GOLM2: variants seen among roughly 807,000 people sequenced by gnomAD.
GOLM2 encodes the protein golgi membrane protein 2.
In GOLM2, 26 loss-of-function variants were observed where a neutral mutation model predicts 55.9. The ratio of observed to expected loss-of-function variants is 0.47; its 90% CI spans 0.34 to 0.65. The LOEUF (loss-of-function observed/expected upper bound fraction) is 0.65, where lower values mean the gene tolerates loss of function less well. Ranked by LOEUF, GOLM2 falls within the 30% of genes least tolerant of loss-of-function variation. The probability of loss-of-function intolerance (pLI) is 0.01; values close to 1 mark genes in which losing one functional copy is unlikely to be tolerated. For missense variants in GOLM2, 486 were observed against 531.8 expected, an observed-to-expected ratio of 0.91 and a Z score of 0.85; for synonymous variants, 165 against 194.6, an observed-to-expected ratio of 0.85 and a Z score of 1.27.
At chr15:44,326,808 C>T (rs2078984957) in intron 2 of GOLM2, among the ~76,000 whole-genome samples, 2 of 151,530 alleles carry the variant, frequency 1.3e-5, no homozygotes, top group African/African-American at 4.8e-5. Flanking sequence ...TGCGCCACCA[C>T]ACCTGGCTAA....
chr15:44,344,839 G>C (rs1482880118), intron 6 of GOLM2, among the ~76,000 whole-genome samples: 1 of 147,432 alleles, frequency 6.8e-6, no homozygotes, highest in Admixed American at 6.7e-5. Context: ...GTGCAGTGGC[G>C]CAATCTTGGC....
chr15:44,344,028 G>C (rs1278413426), intron 6 of GOLM2, among the ~76,000 whole-genome samples: 1 of 151,758 alleles, frequency 6.6e-6, no homozygotes, highest in Non-Finnish European at 1.5e-5. Flanking sequence ...GATAGGCTGA[G>C]GCGGGAGGGT....
At chr15:44,399,744 C>T (rs1044723398) in intron 8 of GOLM2, among the ~76,000 whole-genome samples, 3 of 152,128 alleles carry the variant, frequency 2.0e-5, no homozygotes, top group Admixed American at 6.6e-5. Context: ...CCTGTAATCC[C>T]AGCACTTTGG....
chr15:44,414,635 T>A lies in GOLM2; in HGVS notation c.*1229T>A, dbSNP rs2099505177. The A allele has an allele frequency of 6.6e-6, 1 of 152,232 alleles. No individual in the cohort carries two copies. The highest frequency in any genetic ancestry group is 2.4e-5 in the African/African-American group (1 of 41,470). The allele number at this position is 152,232 out of a possible 1,614,324, so 9.4% of individuals were successfully genotyped here. A position where few individuals can be genotyped will look rare whatever the true frequency, so the allele number is the denominator to read the frequency against. On this transcript the variant is annotated 3_prime_UTR_variant, in exon 10 of 10. Coordinates refer to ENST00000299957, the MANE Select transcript of GOLM2 (RefSeq NM_138423.4). ...TTTCTGGTAATTTTAGTGATCTTAT[T>A]TGATTAGACTTTTTCAGAAGTACTA...
At chr15:44,295,356 G>A (rs1264307536) in intron 1 of GOLM2, among the ~76,000 whole-genome samples, 2 of 152,176 alleles carry the variant, frequency 1.3e-5, no homozygotes, top group Non-Finnish European at 2.9e-5. Context: ...CTGGATTACA[G>A]GCATGACCCA....
intron 4 of GOLM2, among the ~76,000 whole-genome samples, chr15:44,333,089 C>T (rs952442857): frequency 3.0e-4 from 46 of 152,084 alleles, no homozygotes; most frequent in Non-Finnish European, 5.3e-4. Flanking sequence ...CCTGCCACCA[C>T]GCCCGGCTAA....
At chr15:44,316,869 C>T (rs937471322) in intron 1 of GOLM2, among the ~76,000 whole-genome samples, 1 of 152,064 alleles carries the variant, frequency 6.6e-6, no homozygotes, top group Admixed American at 6.6e-5. Context: ...GCCTGTGGTC[C>T]CAGCTACTCG....
At chr15:44,407,267 T>C (rs2079603886) in intron 9 of GOLM2, among the ~76,000 whole-genome samples, 1 of 147,258 alleles carries the variant, frequency 6.8e-6, no homozygotes. Context: ...TATATATTTA[T>C]ATATATATAT....
At chr15:44,369,067 TTA>T (rs58317520) in intron 6 of GOLM2, among the ~76,000 whole-genome samples, 612 of 22,838 alleles carry the variant, frequency 0.027, 15 homozygotes, top group East Asian at 0.043. Context: ...ATAGGATATA[TTA>T]TATATATATA....
intron 6 of GOLM2, among the ~76,000 whole-genome samples, chr15:44,341,675 A>G (rs1278699267): frequency 1.3e-5 from 2 of 150,392 alleles, no homozygotes; most frequent in Non-Finnish European, 3.0e-5. Flanking sequence ...TAAAAAGTAC[A>G]CAACAATTTT....
intron 6 of GOLM2, among the ~76,000 whole-genome samples, chr15:44,365,258 A>G (rs1167603400): frequency 6.6e-6 from 1 of 152,132 alleles, no homozygotes; most frequent in Non-Finnish European, 1.5e-5. Flanking sequence ...TGGGTGTGGT[A>G]ATTCACACCT....
At chr15:44,336,751 C>G (rs978206841) in intron 4 of GOLM2, among the ~76,000 whole-genome samples, 5 of 151,726 alleles carry the variant, frequency 3.3e-5, no homozygotes, top group Non-Finnish European at 5.9e-5. Context: ...CCCGTCTCTA[C>G]TAAAAATACA....
At chr15:44,295,080 C>CTT (rs1188122757) in intron 1 of GOLM2, among the ~76,000 whole-genome samples, 15 of 143,358 alleles carry the variant, frequency 1.0e-4, no homozygotes, top group South Asian at 2.2e-4. Context: ...ACATAAATTC[C>CTT]TTTTTTTTTT....
At chr15:44,344,604 T>C (rs77357983) in intron 6 of GOLM2, among the ~76,000 whole-genome samples, 7,123 of 151,912 alleles carry the variant, frequency 0.047, 276 homozygotes, top group East Asian at 0.19. Flanking sequence ...TATTTTTTAT[T>C]TTTAGAGACA....
chr15:44,368,327 C>CTTT (rs1567036912), intron 6 of GOLM2, among the ~76,000 whole-genome samples: 42 of 121,480 alleles, frequency 3.5e-4, no homozygotes, highest in African/African-American at 5.6e-4. Context: ...TTTTTTTGTA[C>CTTT]TTTTATTAGA....
At chr15:44,398,136 A>G (rs1246968326) in intron 8 of GOLM2, among the ~76,000 whole-genome samples, 1 of 152,128 alleles carries the variant, frequency 6.6e-6, no homozygotes, top group African/African-American at 2.4e-5. Context: ...TAATGTTCAA[A>G]CTCACTCTAT....
chr15:44,308,673 C>T (rs1211836096), intron 1 of GOLM2: 2 of 152,030 alleles, frequency 1.3e-5, no homozygotes, highest in Admixed American at 1.3e-4. Context: ...ATGACTGTGG[C>T]TCACTGCAGC....
Position 44,380,801 on chromosome 15 carries a change from C to A in GOLM2, c.902-5C>A. 6.8e-7 allele frequency: 1 copy of A among 1,470,454 alleles called. No individual in the cohort carries two copies. Among genetic ancestry groups the A allele is most frequent in the South Asian group, 1.6e-5 (1 of 62,392 alleles). The allele number at this position is 1,470,454 out of a possible 1,614,324, so 91.1% of individuals were successfully genotyped here. A position where few individuals can be genotyped will look rare whatever the true frequency, so the allele number is the denominator to read the frequency against. On this transcript the variant is annotated splice_region_variant and splice_polypyrimidine_tract_variant and intron_variant, in intron 7 of 9. Coordinates refer to ENST00000299957, the MANE Select transcript of GOLM2 (RefSeq NM_138423.4). The stretch of plus-strand genomic sequence containing the variant: ...TTCTTTTAATTTGATGTTTTTATGC[C>A]ACAGATTCACACATAAACCACAATG...
chr15:44,306,153 C>T (rs1338792623), intron 1 of GOLM2, among the ~76,000 whole-genome samples: 1 of 152,236 alleles, frequency 6.6e-6, no homozygotes, highest in Non-Finnish European at 1.5e-5. Context: ...ATGGCATCTT[C>T]TTCCAATAGA....
Sources: gnomAD v4.1 joint callset for allele counts (sites outside exome capture counted in the v4.1 genomes callset) on GRCh38, gnomAD v4.1.1 for gene constraint, MANE v1.5 for transcripts, NCBI Gene and HGNC (gene_info 2026-07-23, HGNC 2026-07-21) for gene names.